Variants in CEBPZOS observed in about 807,000 individuals in gnomAD.
The protein encoded by CEBPZOS is protein CEBPZOS.
In CEBPZOS, 10 loss-of-function variants were observed where a neutral mutation model predicts 4.8. The observed-to-expected ratio is 2.07, with a 90% CI of 1.28 to 3.52. The LOEUF (loss-of-function observed/expected upper bound fraction) is 3.52. Ranked by LOEUF, CEBPZOS falls within the 30% of genes most tolerant of loss-of-function variation. The probability of loss-of-function intolerance (pLI) is 0.00; values close to 1 mark genes in which losing one functional copy is unlikely to be tolerated. For synonymous variants in CEBPZOS, 25 were observed against 14.2 expected (o/e 1.77, Z -1.72); for missense variants, 98 against 43.6 (o/e 2.25, Z -3.51).
chr2:37,206,803 T>G (rs1462745773), downstream of CEBPZOS, among the ~76,000 whole-genome samples: 2 of 152,188 alleles, frequency 1.3e-5, no homozygotes, highest in Non-Finnish European at 2.9e-5. Context: ...ATGAATAGAA[T>G]AGTACCTCAC....
intron 1 of CEBPZOS, chr2:37,198,505 G>A (rs1048404786): frequency 6.6e-6 from 1 of 152,070 alleles, no homozygotes; most frequent in Non-Finnish European, 1.5e-5. Flanking sequence ...CATTGAAAAG[G>A]GGTCGGAAGT....
chr2:37,209,880 C>A (rs1005882852), intron 4 of CEBPZOS: 2 of 152,056 alleles, frequency 1.3e-5, no homozygotes, highest in African/African-American at 4.8e-5. Context: ...GTAAACTATG[C>A]ATCTGAGAAA....
downstream of CEBPZOS, chr2:37,215,002 T>C: frequency 8.4e-7 from 1 of 1,185,266 alleles, no homozygotes; most frequent in Non-Finnish European, 1.3e-6. Context: ...ATCCCCTTTA[T>C]GTTACTCAAG....
At chr2:37,199,979 G>A (rs1184378063) in intron 2 of CEBPZOS, among the ~76,000 whole-genome samples, 160 bp downstream of exon 2, 1 of 152,148 alleles carries the variant, frequency 6.6e-6, no homozygotes, top group Non-Finnish European at 1.5e-5. Context: ...ATTCATTATT[G>A]TGGACTAGAT....
downstream of CEBPZOS, chr2:37,216,177 T>C (rs1315144640): frequency 6.2e-7 from 1 of 1,613,374 alleles, no homozygotes; most frequent in Admixed American, 1.7e-5. Flanking sequence ...AATGTTTTCT[T>C]TTCGGCTGCA....
chr2:37,212,453 G>A (rs1677753345), intron 4 of CEBPZOS: 1 of 1,346,892 alleles, frequency 7.4e-7, no homozygotes. Context: ...CATATATCTT[G>A]TATCTGAATC....
chr2:37,200,662 A>G (rs1390782885), intron 2 of CEBPZOS, among the ~76,000 whole-genome samples: 1 of 12,006 alleles, frequency 8.3e-5, no homozygotes, highest in Admixed American at 1.8e-3. Context: ...GTATCTTAAG[A>G]AAAAAAAAAA....
downstream of CEBPZOS, among the ~76,000 whole-genome samples, chr2:37,206,718 T>G (rs1677551842): frequency 6.6e-6 from 1 of 152,170 alleles, no homozygotes; most frequent in Non-Finnish European, 1.5e-5. Context: ...TCTTAAAACC[T>G]AAATCTTACA....
rs75412814 is a variant in CEBPZOS at position 37,200,749 on chromosome 2, A to G, written c.116-299A>G. Among the ~76,000 whole-genome samples, 362 of 152,052 alleles carry G rather than the reference A, an allele frequency of 2.4e-3. 1 individual carries two copies. Among genetic ancestry groups the G allele is most frequent in the African/African-American group, 8.2e-3 (342 of 41,490 alleles). Reference sequence around the variant, plus strand: ...GAGGTAGGAGGCTCCCCTGAGCCCCATCCCAGCTACTTGACCTTGGCTGAC... The same window carrying G: ...GAGGTAGGAGGCTCCCCTGAGCCCCGTCCCAGCTACTTGACCTTGGCTGAC... On this transcript the variant is annotated intron_variant, in intron 2 of 4. Transcript: ENST00000402297.
At chr2:37,207,845 T>G (rs532051939), downstream of CEBPZOS, among the ~76,000 whole-genome samples, 1 of 151,656 alleles carries the variant, frequency 6.6e-6, no homozygotes, top group South Asian at 2.1e-4. Context: ...CTACAAAAGA[T>G]AAATGAAACA....
chr2:37,214,877 G>A, downstream of CEBPZOS: 2 of 1,569,994 alleles, frequency 1.3e-6, no homozygotes, highest in East Asian at 2.2e-5. Flanking sequence ...ACTATATTAT[G>A]TATAGTACCT....
chr2:37,206,436 C>T (rs534406468), downstream of CEBPZOS, among the ~76,000 whole-genome samples: 2 of 152,324 alleles, frequency 1.3e-5, no homozygotes, highest in South Asian at 2.1e-4. Context: ...TGGCTCACTG[C>T]GACCTCTGCC....
chr2:37,211,107 T>A, intron 4 of CEBPZOS: 2 of 1,510,968 alleles, frequency 1.3e-6, no homozygotes, highest in Non-Finnish European at 1.8e-6. Context: ...AATTTGCTAA[T>A]AAGCAATTTA....
At chr2:37,205,273 A>C (rs563509293), downstream of CEBPZOS, among the ~76,000 whole-genome samples, 4 of 151,678 alleles carry the variant, frequency 2.6e-5, no homozygotes, top group African/African-American at 9.7e-5. Context: ...TGTGACCTGC[A>C]CGCACACATC....
chr2:37,211,458 C>G lies in CEBPZOS; in HGVS notation c.*3-1979C>G, dbSNP rs937027594. 3 of 233,164 alleles carry G rather than the reference C, an allele frequency of 1.3e-5. No homozygotes were observed. The Admixed American group carries it at 1.6e-4, about 12-fold the overall frequency. 14.4% of individuals were successfully genotyped at this position (233,164 alleles called of 1,614,324 possible). On this transcript the variant is annotated intron_variant, in intron 4 of 4. Transcript: ENST00000397064. ...GTCAGACAACAGTCTAGAGACAATT[C>G]TGGGTGTTCCTTGCTAATTTACAAG...
At chr2:37,214,914 T>G, downstream of CEBPZOS, 1 of 1,611,110 alleles carries the variant, frequency 6.2e-7, no homozygotes, top group African/African-American at 1.3e-5. Context: ...TCCACTGGTA[T>G]TTGGCTTTCT....
intron 4 of CEBPZOS, chr2:37,212,163 A>C: frequency 1.0e-6 from 1 of 996,108 alleles, no homozygotes; most frequent in Non-Finnish European, 1.5e-6. Context: ...GACTGCTCAG[A>C]GTAAATAATA....
intron 4 of CEBPZOS, among the ~76,000 whole-genome samples, chr2:37,212,868 A>AAC (rs1171138327): frequency 1.2e-4 from 12 of 99,878 alleles, no homozygotes; most frequent in Admixed American, 4.2e-4. Context: ...CAACAACAAC[A>AAC]AAAAAAAAAA....
At chr2:37,198,153 G>T (rs1052983699) in intron 1 of CEBPZOS, among the ~76,000 whole-genome samples, 3 of 151,738 alleles carry the variant, frequency 2.0e-5, no homozygotes, top group Non-Finnish European at 4.4e-5. Flanking sequence ...GAGCGAGACC[G>T]TGTCTCCAAA....
Sources: allele counts gnomAD v4.1 joint callset (sites outside exome capture counted in the v4.1 genomes callset), GRCh38; gene constraint gnomAD v4.1.1; transcripts MANE v1.5; gene names NCBI Gene and HGNC (gene_info 2026-07-23, HGNC 2026-07-21).